CDH13: variants seen among roughly 807,000 people sequenced by gnomAD.
CDH13 encodes cadherin 13.
A neutral mutation model predicts 63.8 loss-of-function variants in CDH13; 24 were observed. The observed-to-expected ratio is 0.38, with a 90% confidence interval of 0.27 to 0.53. CDH13 has a LOEUF of 0.53. Ranked by LOEUF, CDH13 falls within the 20% of genes least tolerant of loss-of-function variation. CDH13 has a pLI of 0.85. For synonymous variants in CDH13, 503 were observed against 355.3 expected (o/e 1.42, Z -4.67); for missense variants, 1,049 against 903.1 (o/e 1.16, Z -2.07).
At position 83,274,731 on chromosome 16, in the gene CDH13, G is replaced by A. The variant is rs147580022; in HGVS notation, c.636+57234G>A. On this transcript the variant is annotated intron_variant, in intron 5 of 13. Coordinates refer to ENST00000567109, the MANE Select transcript of CDH13 (RefSeq NM_001257.5). The stretch of plus-strand genomic sequence containing the variant: ...GTTCTCAAACACCTGGTGGCAGGGG[G>A]GGTGTTTATTAAATATGCACATTCT... Among the ~76,000 whole-genome samples the A allele has an allele frequency of 3.3e-3, 505 of 152,254 alleles. 3 individuals carry two copies. Among genetic ancestry groups the A allele is most frequent in the African/African-American group, 0.011 (473 of 41,550 alleles).
intron 6 of CDH13, among the ~76,000 whole-genome samples, chr16:83,472,272 C>T (rs2073475364): frequency 6.6e-6 from 1 of 152,196 alleles, no homozygotes; most frequent in African/African-American, 2.4e-5. Flanking sequence ...ATGCTGCTAA[C>T]CCTCTGAGTA....
chr16:83,551,205 CCAAGT>C (rs1283480456), intron 7 of CDH13, among the ~76,000 whole-genome samples: 1 of 152,014 alleles, frequency 6.6e-6, no homozygotes, highest in Admixed American at 6.6e-5. Flanking sequence ...TCTCAGCCTC[CCAAGT>C]AGCTGGGATC....
At chr16:82,650,032 A>G (rs1910543825) in intron 1 of CDH13, among the ~76,000 whole-genome samples, 1 of 152,192 alleles carries the variant, frequency 6.6e-6, no homozygotes, top group African/African-American at 2.4e-5. Context: ...ACCCAAAGCT[A>G]TAGATTAAGA....
chr16:83,207,339 TC>T (rs1255522072), intron 4 of CDH13, among the ~76,000 whole-genome samples: 4 of 152,248 alleles, frequency 2.6e-5, no homozygotes. Flanking sequence ...CAATATCTGT[TC>T]TTCTGTAACT....
chr16:83,700,859 C>T (rs1347127196), intron 10 of CDH13, among the ~76,000 whole-genome samples: 1 of 152,160 alleles, frequency 6.6e-6, no homozygotes, highest in Non-Finnish European at 1.5e-5. Flanking sequence ...ACGGGAACTA[C>T]TATCAGCTTC....
intron 4 of CDH13, among the ~76,000 whole-genome samples, chr16:83,175,332 A>G (rs1211130583): frequency 6.6e-6 from 1 of 152,152 alleles, no homozygotes; most frequent in Non-Finnish European, 1.5e-5. Context: ...GTTTATTAAT[A>G]TATTGATTAA....
intron 10 of CDH13, among the ~76,000 whole-genome samples, chr16:83,739,250 C>A (rs1597154077): frequency 6.6e-6 from 1 of 152,230 alleles, no homozygotes; most frequent in African/African-American, 2.4e-5. Context: ...GTCTACGTGA[C>A]CAGCCCCCCA....
chr16:83,543,477 G>T (rs1434751244), intron 7 of CDH13, among the ~76,000 whole-genome samples: 1 of 152,214 alleles, frequency 6.6e-6, no homozygotes, highest in Non-Finnish European at 1.5e-5. Context: ...GCCTTGCCTT[G>T]ATTCCCCAGT....
chr16:83,029,421 A>C (rs984142839), intron 2 of CDH13, among the ~76,000 whole-genome samples: 7 of 152,198 alleles, frequency 4.6e-5, no homozygotes, highest in African/African-American at 1.7e-4. Flanking sequence ...ACCAGTCGAG[A>C]GTAGGATAGA....
At chr16:83,205,522 T>A (rs144797127) in intron 4 of CDH13, among the ~76,000 whole-genome samples, 66 of 151,582 alleles carry the variant, frequency 4.4e-4, no homozygotes, top group Non-Finnish European at 8.2e-4. Flanking sequence ...AAGTCAGAAA[T>A]GATCAATAAG....
intron 5 of CDH13, among the ~76,000 whole-genome samples, chr16:83,319,403 G>A (rs1378100000): frequency 1.3e-5 from 2 of 152,194 alleles, no homozygotes; most frequent in Admixed American, 6.5e-5. Flanking sequence ...ATCAAAGCCA[G>A]AGACGGAAAG....
At chr16:83,003,084 T>C (rs370980513) in intron 2 of CDH13, among the ~76,000 whole-genome samples, 26 of 152,330 alleles carry the variant, frequency 1.7e-4, no homozygotes, top group African/African-American at 6.3e-4. Context: ...GAATCTTAAT[T>C]TGATGCCAAC....
chr16:83,060,119 G>A (rs932376194), intron 3 of CDH13, among the ~76,000 whole-genome samples: 1 of 151,986 alleles, frequency 6.6e-6, no homozygotes, highest in Non-Finnish European at 1.5e-5. Context: ...TAACCCAAAA[G>A]CTCTATGGCT....
chr16:83,443,724 AAAAAAAAAAAAATATAT>A (rs1369246198), intron 6 of CDH13, among the ~76,000 whole-genome samples: 12 of 56,644 alleles, frequency 2.1e-4, no homozygotes, highest in African/African-American at 1.3e-3. Context: ...AAAAAAAAAA[AAAAAAAAAAAAATATAT>A]ATATATATAT....
At chr16:83,319,744 CAAGA>C (rs2090181528) in intron 5 of CDH13, among the ~76,000 whole-genome samples, 1 of 151,974 alleles carries the variant, frequency 6.6e-6, no homozygotes, top group African/African-American at 2.4e-5. Flanking sequence ...AGACAGGTGA[CAAGA>C]AAGGAGTTGT....
At chr16:83,608,218 AC>A (rs757390469) in intron 8 of CDH13, among the ~76,000 whole-genome samples, 77 of 152,228 alleles carry the variant, frequency 5.1e-4, no homozygotes, top group Admixed American at 2.8e-3. Context: ...ACATTATCAT[AC>A]CTATAATAAA....
intron 5 of CDH13, among the ~76,000 whole-genome samples, chr16:83,244,507 C>T (rs529271268): frequency 7.2e-5 from 11 of 152,236 alleles, no homozygotes; most frequent in African/African-American, 2.6e-4. Context: ...AAGTCTGTGC[C>T]ACTGATCAGT....
intron 1 of CDH13, among the ~76,000 whole-genome samples, chr16:82,753,052 A>G (rs1567500212): frequency 1.3e-5 from 2 of 152,316 alleles, no homozygotes; most frequent in Non-Finnish European, 2.9e-5. Flanking sequence ...GTAATGTCTA[A>G]TAACATCAAT....
intron 3 of CDH13, among the ~76,000 whole-genome samples, chr16:83,093,019 A>G (rs1429498381): frequency 2.0e-5 from 3 of 152,354 alleles, no homozygotes; most frequent in East Asian, 1.9e-4. Flanking sequence ...GAGCACAGAG[A>G]TGGTTATAAA....
Sources: allele counts gnomAD v4.1 joint callset (sites outside exome capture counted in the v4.1 genomes callset), GRCh38; gene constraint gnomAD v4.1.1; transcripts MANE v1.5; gene names NCBI Gene and HGNC (gene_info 2026-07-23, HGNC 2026-07-21).